ANKRD27: variants seen among roughly 807,000 people sequenced by gnomAD.
ANKRD27 encodes ankyrin repeat domain-containing protein 27.
A neutral mutation model predicts 129.7 loss-of-function variants in ANKRD27; 112 were observed. The observed-to-expected ratio is 0.86, with a 90% CI of 0.74 to 1.01. The LOEUF is 1.01. Ranked by LOEUF, ANKRD27 falls within the 50% of genes least tolerant of loss-of-function variation. The pLI is 0.00. For synonymous variants in ANKRD27, 516 were observed against 511.2 expected, an observed-to-expected ratio of 1.01 and a Z score of -0.13; for missense variants, 1,258 against 1,300.5, an observed-to-expected ratio of 0.97 and a Z score of 0.50.
intron 13 of ANKRD27, 103 bp from the exon 14 acceptor site, chr19:32,628,952 G>GCCCA (rs1488660204): frequency 1.6e-5 from 21 of 1,328,158 alleles, no homozygotes; most frequent in Non-Finnish European, 2.0e-5. Context: ...ATGGAGTCTC[G>GCCCA]TCCTGTCGCC....
At chr19:32,648,379 G>A (rs920874130) in intron 3 of ANKRD27, among the ~76,000 whole-genome samples, 3 of 152,202 alleles carry the variant, frequency 2.0e-5, no homozygotes, top group African/African-American at 7.2e-5. Context: ...TATGTTGGAG[G>A]ACATTCTATC....
At chr19:32,626,424 T>C (rs980992735) in intron 16 of ANKRD27, among the ~76,000 whole-genome samples, 17 of 151,650 alleles carry the variant, frequency 1.1e-4, no homozygotes, top group Admixed American at 1.0e-3. Context: ...TCCTCCTGCT[T>C]TGGGCTCCCA....
chr19:32,664,803 C>T lies in ANKRD27; in HGVS notation c.-30-5758G>A, dbSNP rs148971725. Among the ~76,000 whole-genome samples, 861 of 149,114 alleles carry T rather than the reference C, an allele frequency of 5.8e-3. 9 individuals carry two copies. Among genetic ancestry groups the T allele is most frequent in the African/African-American group, 0.017 (700 of 40,682 alleles). On this transcript the variant is annotated intron_variant, in intron 1 of 28. Coordinates refer to ENST00000306065, the MANE Select transcript of ANKRD27 (RefSeq NM_032139.3). ...ATCTTTACAAAATACAAAAATTAGC[C>T]AGGCTACTCGGGAGGATGAGGCAGG...
intron 1 of ANKRD27, among the ~76,000 whole-genome samples, chr19:32,666,045 G>A (rs1297543712): frequency 1.3e-5 from 2 of 152,226 alleles, no homozygotes; most frequent in African/African-American, 4.8e-5. Context: ...TGGGATTACA[G>A]GCGTGAGCCA....
Position 32,626,653 on chromosome 19 carries a change from C to T in ANKRD27, c.1536+59G>A, listed in dbSNP as rs1022402368. ...AGCCAGCATGACCGTACAGTCACCACGCAGAACCAAGCTCACAGGAGCAAA... is the reference window on the plus strand; with the variant it reads ...AGCCAGCATGACCGTACAGTCACCATGCAGAACCAAGCTCACAGGAGCAAA... On this transcript the variant is annotated intron_variant, in intron 16 of 28. Transcript: ENST00000306065. 33 of 1,364,698 alleles carry T rather than the reference C, an allele frequency of 2.4e-5. 1 individual carries two copies. The Admixed American group carries it at 2.9e-4, about 12-fold the overall frequency. The allele number at this position is 1,364,698 out of a possible 1,614,324, so 84.5% of individuals were successfully genotyped here.
intron 18 of ANKRD27, 77 bp downstream of exon 18, chr19:32,622,345 T>C (rs1463677784): frequency 1.1e-5 from 17 of 1,507,720 alleles, no homozygotes; most frequent in African/African-American, 6.9e-5. Context: ...ACAATTTGTC[T>C]AGTAGGCCAA....
At chr19:32,634,494 T>C (rs1229156372) in intron 12 of ANKRD27, among the ~76,000 whole-genome samples, 2 of 152,228 alleles carry the variant, frequency 1.3e-5, no homozygotes, top group African/African-American at 4.8e-5. Context: ...TCCAACACCC[T>C]GACAACAAGA....
intron 2 of ANKRD27, among the ~76,000 whole-genome samples, chr19:32,656,789 C>CAA (rs34410291): frequency 0.05 from 6,887 of 137,046 alleles, 278 homozygotes; most frequent in African/African-American, 0.11. Flanking sequence ...GACCTTATCT[C>CAA]AAAAAAAAAA....
chr19:32,665,750 C>T (rs1055572804), intron 1 of ANKRD27, among the ~76,000 whole-genome samples: 4 of 151,972 alleles, frequency 2.6e-5, no homozygotes, highest in African/African-American at 4.8e-5. Flanking sequence ...TGAGCCACCG[C>T]GCCCAGCCTG....
intron 17 of ANKRD27, 94 bp from the exon 18 acceptor site, chr19:32,622,713 A>T: frequency 8.9e-7 from 1 of 1,119,138 alleles, no homozygotes; most frequent in Non-Finnish European, 1.3e-6. Context: ...GCAAATGTGC[A>T]GTAACAGACA....
chr19:32,649,272 T>G (rs411328), intron 3 of ANKRD27, among the ~76,000 whole-genome samples: 74,285 of 151,960 alleles, frequency 0.49, 20,947 homozygotes, highest in Non-Finnish European at 0.65. Context: ...CATGTCCAGC[T>G]GAAACAAAAA....
intron 18 of ANKRD27, among the ~76,000 whole-genome samples, chr19:32,621,501 A>G (rs8107197): frequency 0.67 from 101,763 of 151,922 alleles, 34,465 homozygotes; most frequent in African/African-American, 0.76. Context: ...GGTGGTGGGC[A>G]CCTGTAATCC....
Position 32,662,751 on chromosome 19 carries a change from C to CA in ANKRD27, c.-30-3707dup, listed in dbSNP as rs1223635645. On this transcript the variant is annotated intron_variant, in intron 1 of 28. Coordinates refer to ENST00000306065, the MANE Select transcript of ANKRD27 (RefSeq NM_032139.3). ...AGTGAGACCCCATCTCTTTAAAAAA[C>CA]AAAAAAAAAGGCCAGGCACGGTGGC... is the stretch of plus-strand genomic sequence containing the variant. Among the ~76,000 whole-genome samples the CA allele has an allele frequency of 1.6e-3, 234 of 149,032 alleles. 1 individual carries two copies. Among genetic ancestry groups the CA allele is most frequent in the African/African-American group, 5.4e-3 (221 of 40,624 alleles).
intron 1 of ANKRD27, among the ~76,000 whole-genome samples, chr19:32,663,783 G>A (rs1449405845): frequency 6.6e-6 from 1 of 152,188 alleles, no homozygotes; most frequent in Non-Finnish European, 1.5e-5. Context: ...GGGGCCGGGT[G>A]TGGTGGCTCA....
intron 1 of ANKRD27, among the ~76,000 whole-genome samples, chr19:32,666,690 G>A (rs1228370842): frequency 7.1e-6 from 1 of 141,094 alleles, no homozygotes; most frequent in Non-Finnish European, 1.5e-5. Context: ...TGTTGCCCAG[G>A]CTGGAGTGCA....
At chr19:32,622,378 C>A in intron 18 of ANKRD27, 44 bp downstream of exon 18, 1 of 1,601,308 alleles carries the variant, frequency 6.2e-7, no homozygotes. Flanking sequence ...GGACATCGAT[C>A]TTCTTTCGAA....
rs187221773 is a variant in ANKRD27, at chr19:32,630,478, C to T, written c.1209+924G>A. ...CATAAACATCTGACAACGGGCTCCT[C>T]GAGCCCAGCGGAGGCATCAGCTCTG... On this transcript the variant is annotated intron_variant, in intron 13 of 28. Transcript: ENST00000306065. 2.4e-3 allele frequency among the ~76,000 whole-genome samples: 364 copies of T among 152,358 alleles called. 4 individuals are homozygous for T. The highest frequency in any genetic ancestry group is 8.4e-3 in the African/African-American group (351 of 41,594).
intron 1 of ANKRD27, among the ~76,000 whole-genome samples, chr19:32,668,664 T>C (rs1434536220): frequency 1.3e-5 from 2 of 151,660 alleles, no homozygotes; most frequent in Non-Finnish European, 2.9e-5. Context: ...TTTGTAGAGA[T>C]GGGGTCTCAC....
chr19:32,651,031 CA>C (rs1359974081), intron 2 of ANKRD27, among the ~76,000 whole-genome samples: 1 of 152,010 alleles, frequency 6.6e-6, no homozygotes, highest in East Asian at 1.9e-4. Flanking sequence ...AGTCATGAGC[CA>C]CTGTGCCTGG....
Sources: gnomAD v4.1 joint callset for allele counts (sites outside exome capture counted in the v4.1 genomes callset) on GRCh38, gnomAD v4.1.1 for gene constraint, MANE v1.5 for transcripts, NCBI Gene and HGNC (gene_info 2026-07-23, HGNC 2026-07-21) for gene names.